The following STAT4 variants were observed in gnomAD, a reference collection of about 807,000 sequenced individuals.
The protein encoded by STAT4 is signal transducer and activator of transcription 4.
A neutral mutation model predicts 110.5 loss-of-function variants in STAT4; 42 were observed. The ratio of observed to expected loss-of-function variants is 0.38; its 90% CI spans 0.30 to 0.49. The LOEUF (loss-of-function observed/expected upper bound fraction) is 0.49. STAT4 is among the 20% of genes least tolerant of loss of function. The pLI, the probability that STAT4 is intolerant of heterozygous loss-of-function variation, is 0.95. For missense variants in STAT4, 632 were observed against 887.9 expected (o/e 0.71, Z 3.66); for synonymous variants, 284 against 302.2 (o/e 0.94, Z 0.63).
At chr2:191,065,094 C>T in intron 7 of STAT4, 136 bp from the exon 8 acceptor site, 1 of 906,012 alleles carries the variant, frequency 1.1e-6, no homozygotes, top group Non-Finnish European at 1.6e-6. Flanking sequence ...ATGCTAGCTT[C>T]TATTTGCCAG....
chr2:191,056,684 T>C (rs1696705274), intron 13 of STAT4, among the ~76,000 whole-genome samples: 1 of 152,166 alleles, frequency 6.6e-6, no homozygotes, highest in Non-Finnish European at 1.5e-5. Context: ...AATTGAGATA[T>C]CTGTAACCTA....
rs1194090170 is a variant in STAT4 at position 191,082,563 on chromosome 2, T to C, written c.274-6238A>G. ...TATAATATGCATTCTATTTCAGAGA[T>C]TTAAAGATGTTAAAATGTGGAGAAC... On this transcript the variant is annotated intron_variant, in intron 3 of 23. Coordinates refer to ENST00000392320, the MANE Select transcript of STAT4 (RefSeq NM_003151.4). This position sits in a 1 kb window ranked among gnomAD's most constrained non-coding sequence, Gnocchi z 4.7. Among the ~76,000 whole-genome samples the C allele has an allele frequency of 4.6e-5, 7 of 152,230 alleles. No homozygotes were observed. The highest frequency in any genetic ancestry group is 4.6e-4 in the Admixed American group (7 of 15,286).
intron 3 of STAT4, among the ~76,000 whole-genome samples, chr2:191,088,267 G>C (rs140722432): frequency 1.3e-5 from 2 of 152,132 alleles, no homozygotes; most frequent in East Asian, 3.9e-4. Context: ...CTTTCCTATT[G>C]AACAGGAACA....
intron 3 of STAT4, among the ~76,000 whole-genome samples, chr2:191,119,761 A>G (rs557646564): frequency 5.4e-4 from 82 of 152,340 alleles, no homozygotes; most frequent in African/African-American, 1.9e-3. Context: ...TTTTACTATC[A>G]TATATCAAGA....
At chr2:191,125,931 T>C (rs557554299) in intron 3 of STAT4, among the ~76,000 whole-genome samples, 29 of 152,280 alleles carry the variant, frequency 1.9e-4, no homozygotes, top group Admixed American at 7.2e-4. Context: ...CCTCCCTGAG[T>C]CATGAACTTC....
chr2:191,085,542 A>G (rs968987231), intron 3 of STAT4, among the ~76,000 whole-genome samples: 12 of 152,192 alleles, frequency 7.9e-5, no homozygotes, highest in African/African-American at 2.6e-4. Flanking sequence ...ATTATGTAAA[A>G]TTGTTGAAAG....
chr2:191,135,471 ATTG>A lies in STAT4; in HGVS notation c.273+11139_273+11141del, dbSNP rs1699155449. On this transcript the variant is annotated intron_variant, in intron 3 of 23. Coordinates refer to ENST00000392320, the MANE Select transcript of STAT4 (RefSeq NM_003151.4). This position sits in a 1 kb window ranked among gnomAD's most constrained non-coding sequence, Gnocchi z 4.8. ...CGAATTCTTTGTTGTTGTTGTTGTT[ATTG>A]TTTTTGTTTGTTTGTTTGAGATGGA... Among the ~76,000 whole-genome samples the A allele has an allele frequency of 6.6e-6, 1 of 151,014 alleles. No individual in the cohort carries two copies. Among genetic ancestry groups the A allele is most frequent in the Non-Finnish European group, 1.5e-5 (1 of 67,962 alleles).
At chr2:191,041,198 C>G in intron 14 of STAT4, 50 bp from the exon 15 acceptor site, 2 of 1,068,060 alleles carry the variant, frequency 1.9e-6, no homozygotes, top group Non-Finnish European at 2.5e-6. Context: ...TACTCACTAT[C>G]TAATAGAAGA....
chr2:191,069,816 C>T (rs773279690), intron 5 of STAT4, 45 bp from the exon 6 acceptor site: 5 of 1,453,650 alleles, frequency 3.4e-6, no homozygotes, highest in Non-Finnish European at 3.8e-6. Flanking sequence ...CACAATTAAG[C>T]ATGTCAATCA....
rs754067021 is a variant in STAT4 at position 191,146,759 on chromosome 2, T to TA, written c.129-3dup. 0.097 allele frequency: 84,958 copies of TA among 871,834 alleles called. No homozygotes were observed. The highest frequency in any genetic ancestry group is 0.11 in the South Asian group (5,981 of 52,572). 54.0% of individuals were successfully genotyped at this position (871,834 alleles called of 1,614,324 possible). On this transcript the variant is annotated splice_region_variant and splice_polypyrimidine_tract_variant and intron_variant, in intron 2 of 23. Transcript: ENST00000392320. The surrounding 1 kb of genome is among the most constrained non-coding windows in gnomAD (Gnocchi z 4.5). ...GTTTCATTGTTAGAAGCTGCCTCCC[T>TA]AAAAAAAAAAAGGATTATTACACAA... is the stretch of plus-strand genomic sequence containing the variant.
At position 191,099,010 on chromosome 2, in the gene STAT4, T is replaced by C. The variant is rs1698083927; in HGVS notation, c.274-22685A>G. On this transcript the variant is annotated intron_variant, in intron 3 of 23. Coordinates refer to ENST00000392320, the MANE Select transcript of STAT4 (RefSeq NM_003151.4). This position sits in a 1 kb window ranked among gnomAD's most constrained non-coding sequence, Gnocchi z 4.1. Reference sequence around the variant, plus strand: ...TTTTAAGTAATATTTTTAATGTAGATAAGAGCCCTTTGAAATTGATTTAAA... The same window carrying C: ...TTTTAAGTAATATTTTTAATGTAGACAAGAGCCCTTTGAAATTGATTTAAA... 6.6e-6 allele frequency among the ~76,000 whole-genome samples: 1 copy of C among 151,792 alleles called. No individual in the cohort carries two copies. The highest frequency in any genetic ancestry group is 6.6e-5 in the Admixed American group (1 of 15,252).
At chr2:191,119,121 C>A (rs1333962556) in intron 3 of STAT4, among the ~76,000 whole-genome samples, 1 of 152,098 alleles carries the variant, frequency 6.6e-6, no homozygotes, top group East Asian at 1.9e-4. Context: ...ACAAAATAAT[C>A]ACAAATATGA....
rs1574728294 is a variant in STAT4 at position 191,070,760 on chromosome 2, G to C, written c.466-989C>G. Among the ~76,000 whole-genome samples the C allele has an allele frequency of 2.0e-5, 3 of 152,028 alleles. 1 individual carries two copies. The East Asian group carries it at 5.8e-4, about 29-fold the overall frequency. ...AAAAAGTATAGAATTTGGAGGAAGAGAGTCTGAATTTGTGTCCCAACTCTA... is the reference window on the plus strand; with the variant it reads ...AAAAAGTATAGAATTTGGAGGAAGACAGTCTGAATTTGTGTCCCAACTCTA... On this transcript the variant is annotated intron_variant, in intron 5 of 23. Coordinates refer to ENST00000392320, the MANE Select transcript of STAT4 (RefSeq NM_003151.4).
In STAT4 at chr2:191,050,913, G is replaced by A. The variant is rs2125194912; in HGVS notation, c.1251+3577C>T. ...GGTGCTGCAAATCTAGGGAGGTCTG[G>A]AATGGCAACTTAGTGAAACTATCAT... On this transcript the variant is annotated intron_variant, in intron 14 of 23. Transcript: ENST00000392320. The surrounding 1 kb of genome is among the most constrained non-coding windows in gnomAD (Gnocchi z 4.3). Among the ~76,000 whole-genome samples the A allele has an allele frequency of 6.6e-6, 1 of 152,318 alleles. No individual in the cohort carries two copies. Among genetic ancestry groups the A allele is most frequent in the Non-Finnish European group, 1.5e-5 (1 of 68,030 alleles).
rs1698312107 is a variant in STAT4 at position 191,107,436 on chromosome 2, C to T, written c.274-31111G>A. Among the ~76,000 whole-genome samples the T allele has an allele frequency of 6.6e-6, 1 of 152,214 alleles. No homozygotes were observed. The highest frequency in any genetic ancestry group is 1.5e-5 in the Non-Finnish European group (1 of 68,036). On this transcript the variant is annotated intron_variant, in intron 3 of 23. Transcript: ENST00000392320. The surrounding 1 kb of genome is among the most constrained non-coding windows in gnomAD (Gnocchi z 4.2). ...TTGAATTGTCATTTGGTCCCCACAACAGCCCTATAGTAATGGGCATAATAC... is the reference window on the plus strand; with the variant it reads ...TTGAATTGTCATTTGGTCCCCACAATAGCCCTATAGTAATGGGCATAATAC...
chr2:191,136,019 A>AC lies in STAT4; in HGVS notation c.273+10593_273+10594insG, dbSNP rs1211281304. ...ACAGCATCTCAGAAAAAAAAAAAAAAAAACCAAAAAACAAAAAACCAATGT... is the reference window on the plus strand; with the variant it reads ...ACAGCATCTCAGAAAAAAAAAAAAAACAAACCAAAAAACAAAAAACCAATGT... On this transcript the variant is annotated intron_variant, in intron 3 of 23. Coordinates refer to ENST00000392320, the MANE Select transcript of STAT4 (RefSeq NM_003151.4). Among the ~76,000 whole-genome samples the AC allele has an allele frequency of 3.8e-5, 5 of 131,588 alleles. No homozygotes were observed. In the East Asian group the frequency reaches 6.5e-4, roughly 17 times the overall value. The allele number at this position is 131,588 out of a possible 152,430, so 86.3% of individuals were successfully genotyped here. A position where few individuals can be genotyped will look rare whatever the true frequency, so the allele number is the denominator to read the frequency against.
At chr2:191,079,272 T>C (rs1296603782) in intron 3 of STAT4, among the ~76,000 whole-genome samples, 2 of 112,854 alleles carry the variant, frequency 1.8e-5, no homozygotes, top group East Asian at 3.0e-4. Context: ...GGTTGAGAAT[T>C]TGAATGACAC....
chr2:191,125,476 T>TTTATTATTATTATTA (rs6147087), intron 3 of STAT4, among the ~76,000 whole-genome samples: 16,699 of 137,848 alleles, frequency 0.12, 1,286 homozygotes, highest in East Asian at 0.23. Context: ...ATCCTCATTA[T>TTTATTATTATTATTA]TTATTATTAT....
At chr2:191,127,008 G>C (rs1698899599) in intron 3 of STAT4, among the ~76,000 whole-genome samples, 4 of 151,856 alleles carry the variant, frequency 2.6e-5, no homozygotes, top group Admixed American at 2.6e-4. Context: ...TTTTTGTAGA[G>C]ATGGGGTCTC....
Sources: allele counts gnomAD v4.1 joint callset (sites outside exome capture counted in the v4.1 genomes callset), GRCh38; gene constraint gnomAD v4.1.1; non-coding constraint Gnocchi (gnomAD v3.1); transcripts MANE v1.5; gene names NCBI Gene and HGNC (gene_info 2026-07-23, HGNC 2026-07-21).